IDUA: variants seen among roughly 807,000 people sequenced by gnomAD.
IDUA encodes iduronidase alpha-L-.
In IDUA, 65 loss-of-function variants were observed where a neutral mutation model predicts 68.9. The observed-to-expected ratio is 0.94, with a 90% confidence interval of 0.77 to 1.16. The LOEUF is 1.16. Ranked by LOEUF, IDUA falls within the 50% of genes most tolerant of loss-of-function variation. The pLI, the probability that IDUA is intolerant of heterozygous loss-of-function variation, is 0.00. For synonymous variants in IDUA, 529 were observed against 433.6 expected (o/e 1.22, Z -2.73); for missense variants, 1,046 against 938.0 (o/e 1.12, Z -1.50).
chr4:991,393 G>C (rs751574638), intron 2 of IDUA: 3 of 1,612,718 alleles, frequency 1.9e-6, no homozygotes, highest in Non-Finnish European at 2.5e-6. Context: ...GAAGAAGGAC[G>C]TATAGAGGCT....
rs143899697 is a variant in IDUA at position 988,526 on chromosome 4, G to A, written c.299+577G>A. On this transcript the variant is annotated intron_variant, in intron 2 of 13. Transcript: ENST00000514224. ...CGGGGGACCCTTGTTCAAATAAGAT[G>A]TCAACCCTGAGCGTCAGGTCAGGCC... 1,438 of 1,209,026 alleles carry A rather than the reference G, an allele frequency of 1.2e-3. 16 individuals are homozygous for A. In the African/African-American group the frequency reaches 0.02, roughly 17 times the overall value. The allele number at this position is 1,209,026 out of a possible 1,614,324, so 74.9% of individuals were successfully genotyped here. A position where few individuals can be genotyped will look rare whatever the true frequency, so the allele number is the denominator to read the frequency against.
At chr4:993,050 G>T (rs934366137) in intron 2 of IDUA, 4 of 152,162 alleles carry the variant, frequency 2.6e-5, no homozygotes, top group Non-Finnish European at 5.9e-5. Flanking sequence ...ACAGAGCGGG[G>T]GTCCTGGCCC....
chr4:1,003,054 G>A lies in IDUA; in HGVS notation c.1421G>A (p.Arg474His). 6.6e-7 allele frequency: 1 copy of A among 1,514,126 alleles called. No homozygotes were observed. Among genetic ancestry groups the A allele is most frequent in the African/African-American group, 1.4e-5 (1 of 69,824 alleles). The allele number at this position is 1,514,126 out of a possible 1,614,324, so 93.8% of individuals were successfully genotyped here. A position where few individuals can be genotyped will look rare whatever the true frequency, so the allele number is the denominator to read the frequency against. Reference sequence around the variant, plus strand: ...CCCGCAGGCCTGGTCTACGTCACGCGCTACCTGGACAACGGGCTCTGCAGC... The same window carrying A: ...CCCGCAGGCCTGGTCTACGTCACGCACTACCTGGACAACGGGCTCTGCAGC... ...PPGPGLVYVTRYLDNGLCSPD... is the reference protein window; with the variant it reads ...PPGPGLVYVTHYLDNGLCSPD... The change falls in exon 10 of 14, where the codon CGC (arginine) becomes CAC (histidine). Residue 474 changes from arginine (R) to histidine (H), a missense_variant. Coordinates refer to ENST00000514224, the MANE Select transcript of IDUA (RefSeq NM_000203.5).
chr4:991,894 G>C (rs1418222738), intron 2 of IDUA: 3 of 1,248,716 alleles, frequency 2.4e-6, no homozygotes, highest in South Asian at 1.3e-5. Context: ...CCCCCTGCCC[G>C]GTATGGATGG....
rs201826605 is a variant in IDUA, at chr4:1,001,790, G to C, written c.701G>C (p.Ser234Thr). 239 of 1,604,114 alleles carry C rather than the reference G, an allele frequency of 1.5e-4. No individual in the cohort carries two copies. In the African/African-American group the frequency reaches 2.5e-3, roughly 17 times the overall value. The change falls in exon 6 of 14, where the codon AGC becomes ACC. Residue 234 changes from serine (S) to threonine (T), a missense_variant. Physicochemically the swap from Ser to Thr is moderately conservative, Grantham distance 58. Coordinates refer to ENST00000514224, the MANE Select transcript of IDUA (RefSeq NM_000203.5). Reference protein sequence around the residue: ...SFHTPPRSPLSWGLLRHCHDG... With the variant: ...SFHTPPRSPLTWGLLRHCHDG... ...CACACCCCACCGCGATCCCCGCTGAGCTGGGGCCTCCTGCGCCACTGCCAC... is the reference window on the plus strand; with the variant it reads ...CACACCCCACCGCGATCCCCGCTGACCTGGGGCCTCCTGCGCCACTGCCAC...
intron 4 of IDUA, 181 bp from the exon 5 acceptor site, chr4:1,001,287 C>T (rs537097318): frequency 8.9e-6 from 6 of 673,128 alleles, no homozygotes; most frequent in East Asian, 2.7e-5. Flanking sequence ...TCACCCAGGC[C>T]GCCGCCCAGG....
intron 5 of IDUA, 35 bp from the exon 6 acceptor site, chr4:1,001,644 A>G (rs1215634515): frequency 6.2e-7 from 1 of 1,606,000 alleles, no homozygotes; most frequent in East Asian, 2.2e-5. Context: ...GCTCATCCCC[A>G]GGGCAGGTGT....
rs2153023278 is a variant in IDUA at position 1,004,289 on chromosome 4, G to T, written c.1858G>T (p.Val620Phe). ...AGGTGCTGTCTCTGGCTCCTACCGA[G>T]TTCGAGCCCTGGACTACTGGGCCCG... ...DTGAVSGSYR[V>F]RALDYWARPG... Residue 620 changes from valine to phenylalanine, a missense_variant, in exon 14 of 14, where the codon GTT (valine) becomes TTT (phenylalanine). Physicochemically the swap from Val to Phe is conservative, Grantham distance 50 (BLOSUM62 -1). Transcript: ENST00000514224. This position sits in a 1 kb window ranked among gnomAD's most constrained non-coding sequence, Gnocchi z 5.0. The T allele has an allele frequency of 2.5e-6, 4 of 1,610,886 alleles. No homozygotes were observed. Among genetic ancestry groups the T allele is most frequent in the Non-Finnish European group, 3.4e-6 (4 of 1,179,958 alleles).
In IDUA at chr4:1,001,701, C is replaced by G. The variant is rs372948062; in HGVS notation, c.612C>G (p.Ala204=). The stretch of plus-strand genomic sequence containing the variant: ...CAGGCTTCCTGAACTACTACGATGC[C>G]TGCTCGGAGGGTCTGCGCGCCGCCA... ...TMQGFLNYYD[A]CSEGLRAASP... The change falls in exon 6 of 14, where the codon GCC becomes GCG. Residue 204 remains alanine (A), a synonymous_variant. Transcript: ENST00000514224. The G allele has an allele frequency of 2.5e-6, 4 of 1,600,446 alleles. No individual in the cohort carries two copies. Among genetic ancestry groups the G allele is most frequent in the Non-Finnish European group, 3.4e-6 (4 of 1,179,024 alleles).
chr4:990,698 A>G (rs1560537140), intron 2 of IDUA: 2 of 419,518 alleles, frequency 4.8e-6, no homozygotes, highest in Non-Finnish European at 8.6e-6. Context: ...TGCTTCCTAC[A>G]CATGGTGCCC....
At chr4:999,204 C>CAA (rs56098003) in intron 2 of IDUA, among the ~76,000 whole-genome samples, 15 of 128,708 alleles carry the variant, frequency 1.2e-4, no homozygotes, top group African/African-American at 2.8e-4. Flanking sequence ...GACTCTGTCT[C>CAA]AAAAAAAAAA....
rs377629899 is a variant in IDUA at position 991,237 on chromosome 4, C to T, written c.299+3288C>T. ...GCCGTTGAGGGTGCTGCTGTTGGCT[C>T]CGGGCTGCAGGCCGTCCTGGGAGGG... On this transcript the variant is annotated intron_variant, in intron 2 of 13. Transcript: ENST00000514224. 31 of 1,611,494 alleles carry T rather than the reference C, an allele frequency of 1.9e-5. No homozygotes were observed. In the African/African-American group the frequency reaches 3.6e-4, roughly 19 times the overall value.
At position 990,136 on chromosome 4, in the gene IDUA, G is replaced by A. The variant is rs372775933; in HGVS notation, c.299+2187G>A. 138 of 1,571,608 alleles carry A rather than the reference G, an allele frequency of 8.8e-5. No homozygotes were observed. The highest frequency in any genetic ancestry group is 1.1e-4 in the Non-Finnish European group (126 of 1,159,996). On this transcript the variant is annotated intron_variant, in intron 2 of 13. Coordinates refer to ENST00000514224, the MANE Select transcript of IDUA (RefSeq NM_000203.5). ...GGCTAGCAGCACCGCCAGGCACACC[G>A]TGCTGGTGACCACGTCGCACACGTT...
chr4:990,274 G>T, intron 2 of IDUA: 4 of 1,598,804 alleles, frequency 2.5e-6, no homozygotes, highest in Non-Finnish European at 3.4e-6. Flanking sequence ...GGTCAGGATG[G>T]TCACGGAGGC....
intron 1 of IDUA, 150 bp from the exon 2 acceptor site, chr4:987,659 C>A (rs1369170686): frequency 3.2e-5 from 47 of 1,466,994 alleles, no homozygotes; most frequent in Non-Finnish European, 4.0e-5. Context: ...TCCCCACATT[C>A]CTGGCCCTAA....
At chr4:996,444 C>T (rs1199813451) in intron 2 of IDUA, among the ~76,000 whole-genome samples, 3 of 152,310 alleles carry the variant, frequency 2.0e-5, no homozygotes, top group East Asian at 3.9e-4. Flanking sequence ...GTGGGCAGTG[C>T]CACCTGGGGC....
chr4:989,878 G>T, intron 2 of IDUA: 1 of 1,572,958 alleles, frequency 6.4e-7, no homozygotes, highest in Non-Finnish European at 8.6e-7. Context: ...GATGGAGAAG[G>T]CGGCAGCCAC....
chr4:988,272 G>T (rs1713906064), intron 2 of IDUA: 1 of 1,212,104 alleles, frequency 8.3e-7, no homozygotes, highest in Non-Finnish European at 1.0e-6. Flanking sequence ...CCTGAGGGCT[G>T]AGCTGAGGTC....
At position 1,000,716 on chromosome 4, in the gene IDUA, C is replaced by G. The variant is rs746426487; in HGVS notation, c.385+19C>G. 1 of 1,585,968 alleles carries G rather than the reference C, an allele frequency of 6.3e-7. No individual in the cohort carries two copies. The highest frequency in any genetic ancestry group is 1.3e-5 in the African/African-American group (1 of 74,474). On this transcript the variant is annotated intron_variant, in intron 3 of 13. Transcript: ENST00000514224. ...CTCCCAGGTGAGCTGTGGGCTCTGC[C>G]CTCCCAGCCCGCCTGCACCCCCTTG...
Sources: gnomAD v4.1 joint callset for allele counts (sites outside exome capture counted in the v4.1 genomes callset) on GRCh38, gnomAD v4.1.1 for gene constraint, Gnocchi (gnomAD v3.1) non-coding constraint, MANE v1.5 for transcripts, NCBI Gene and HGNC (gene_info 2026-07-23, HGNC 2026-07-21) for gene names.